The following DEF8 variants were observed in gnomAD, a reference collection of about 807,000 sequenced individuals.
DEF8 encodes DEF-8.
Under a neutral mutation model 59.1 loss-of-function variants are expected in DEF8, and 38 were observed. The ratio of observed to expected loss-of-function variants is 0.64; its 90% CI spans 0.50 to 0.84. The LOEUF (loss-of-function observed/expected upper bound fraction) is 0.84, where lower values mean the gene tolerates loss of function less well. DEF8 is among the 40% of genes least tolerant of loss of function. The pLI is 0.00. For synonymous variants in DEF8, 265 were observed against 250.1 expected, an observed-to-expected ratio of 1.06 and a Z score of -0.56; for missense variants, 557 against 615.2, an observed-to-expected ratio of 0.91 and a Z score of 1.00.
At chr16:89,951,914 GTT>G (rs2032187928) in intron 2 of DEF8, among the ~76,000 whole-genome samples, 1 of 148,396 alleles carries the variant, frequency 6.7e-6, no homozygotes, top group South Asian at 2.1e-4. Context: ...GTCTCGCTCT[GTT>G]GCCCAGGCTG....
At chr16:89,950,410 A>G (rs2031800062) in intron 2 of DEF8, 4 of 849,138 alleles carry the variant, frequency 4.7e-6, no homozygotes, top group East Asian at 2.5e-4. Context: ...TTTTTTTGAG[A>G]TGGAGTTTTG....
At position 89,954,324 on chromosome 16, in the gene DEF8, G is replaced by A. The variant is rs1282592280; in HGVS notation, c.72G>A (p.Pro24=). The stretch of plus-strand genomic sequence containing the variant: ...ACCCCTTCAACAAGCAGTCTGGGCC[G>A]AGACAGCATGAGCAGGGCCCTGGGG... ...HLNPFNKQSG[P]RQHEQGPGEE... is the part of the protein sequence containing the mutation. The change falls in exon 3 of 13, where the codon CCG becomes CCA. Residue 24 remains proline, a synonymous_variant. Coordinates refer to ENST00000563594, the MANE Select transcript of DEF8 (RefSeq NM_001242818.2). This position sits in a 1 kb window ranked among gnomAD's most constrained non-coding sequence, Gnocchi z 4.3. 8.7e-6 allele frequency: 14 copies of A among 1,613,832 alleles called. No homozygotes were observed. The highest frequency in any genetic ancestry group is 6.6e-5 in the South Asian group (6 of 91,066).
chr16:89,963,739 T>C, intron 10 of DEF8: 1 of 515,048 alleles, frequency 1.9e-6, no homozygotes, highest in Non-Finnish European at 3.5e-6. Context: ...TCTAATTATG[T>C]GCTCAACAGA....
intron 12 of DEF8, 107 bp downstream of exon 12, chr16:89,964,682 T>TC (rs35689120): frequency 1.3e-6 from 1 of 783,476 alleles, no homozygotes; most frequent in Non-Finnish European, 2.1e-6. Flanking sequence ...CTGGCACTGC[T>TC]CCCCCGAGAA....
chr16:89,949,367 C>A, intron 1 of DEF8, 50 bp from the exon 2 acceptor site: 1 of 1,433,122 alleles, frequency 7.0e-7, no homozygotes, highest in Non-Finnish European at 9.4e-7. Context: ...CGAGCTCCCG[C>A]GGGTGTGGTG....
intron 9 of DEF8, among the ~76,000 whole-genome samples, chr16:89,963,030 G>A (rs1597523716): frequency 6.6e-6 from 1 of 152,396 alleles, no homozygotes; most frequent in South Asian, 2.1e-4. Flanking sequence ...GTGGCAGCAC[G>A]TTGAGTTGCC....
chr16:89,964,525 GTTCGACA>G lies in DEF8; in HGVS notation c.1204_1210del (p.Phe402AlafsTer33). 1 of 1,596,256 alleles carries G rather than the reference GTTCGACA, an allele frequency of 6.3e-7. No homozygotes were observed. The highest frequency in any genetic ancestry group is 8.5e-7 in the Non-Finnish European group (1 of 1,172,102). ...GCAGAGAGGGCGACGTGCTGTTCCCGTTCGACAGCCACACGTCTGTGTGCGCCGACTG... is the reference window on the plus strand; with the variant it reads ...GCAGAGAGGGCGACGTGCTGTTCCCGGCCACACGTCTGTGTGCGCCGACTG... On this transcript the variant is annotated frameshift_variant, in exon 12 of 13. Coordinates refer to ENST00000563594, the MANE Select transcript of DEF8 (RefSeq NM_001242818.2). LOFTEE classifies it high-confidence loss of function.
At chr16:89,953,523 G>T (rs987654040) in intron 2 of DEF8, among the ~76,000 whole-genome samples, 2 of 152,214 alleles carry the variant, frequency 1.3e-5, no homozygotes, top group Non-Finnish European at 2.9e-5. Flanking sequence ...GCACAGAGCC[G>T]TGGGCCTGGT....
rs1269259540 is a variant in DEF8, at chr16:89,949,524, A to G, written c.-11+11A>G. 6.2e-7 allele frequency: 1 copy of G among 1,613,130 alleles called. No homozygotes were observed. Among genetic ancestry groups the G allele is most frequent in the African/African-American group, 1.3e-5 (1 of 74,872 alleles). The stretch of plus-strand genomic sequence containing the variant: ...TGGCAGGCGATGCAGGTATGGGCAG[A>G]CAGGACGCTGTTGACTCCGCACACC... On this transcript the variant is annotated intron_variant, in intron 2 of 12. Coordinates refer to ENST00000563594, the MANE Select transcript of DEF8 (RefSeq NM_001242818.2).
chr16:89,963,739 T>A lies in DEF8; in HGVS notation c.1002+296T>A, dbSNP rs2034326337. 3.5e-5 allele frequency: 18 copies of A among 514,930 alleles called. No homozygotes were observed. In the South Asian group the frequency reaches 3.8e-4, roughly 11 times the overall value. 31.9% of individuals were successfully genotyped at this position (514,930 alleles called of 1,614,324 possible). A position where few individuals can be genotyped will look rare whatever the true frequency, so the allele number is the denominator to read the frequency against. ...AGTTTTCAAGGTTCATCTAATTATG[T>A]GCTCAACAGATACAGATGTTCTAGA... is the stretch of plus-strand genomic sequence containing the variant. On this transcript the variant is annotated intron_variant, in intron 10 of 12. Coordinates refer to ENST00000563594, the MANE Select transcript of DEF8 (RefSeq NM_001242818.2).
intron 1 of DEF8, 26 bp downstream of exon 1, chr16:89,948,840 CGGGGCCGGCGG>C (rs2031180405): frequency 9.7e-6 from 8 of 827,034 alleles, no homozygotes; most frequent in Middle Eastern, 5.9e-4. Flanking sequence ...CCGGCGGGGT[CGGGGCCGGCGG>C]GGACGGGGCC....
chr16:89,957,257 G>C (rs2033357788), intron 4 of DEF8: 1 of 359,648 alleles, frequency 2.8e-6, no homozygotes, highest in East Asian at 4.4e-5. Flanking sequence ...CTTTTGAAAA[G>C]CAACTTTCAA....
At position 89,965,980 on chromosome 16, in the gene DEF8, T is replaced by C. The variant is rs1597543376; in HGVS notation, c.*17T>C. 6.3e-6 allele frequency: 10 copies of C among 1,594,618 alleles called. No homozygotes were observed. The highest frequency in any genetic ancestry group is 8.6e-6 in the Non-Finnish European group (10 of 1,166,298). Reference sequence around the variant, plus strand: ...GAGGCCTAGCGCCGAGGAACAGTGCTGGGCACCCCGCCTGGCCCGCCAGGA... The same window carrying C: ...GAGGCCTAGCGCCGAGGAACAGTGCCGGGCACCCCGCCTGGCCCGCCAGGA... On this transcript the variant is annotated 3_prime_UTR_variant, in exon 13 of 13. Coordinates refer to ENST00000563594, the MANE Select transcript of DEF8 (RefSeq NM_001242818.2).
Position 89,963,521 on chromosome 16 carries a change from C to T in DEF8, c.1002+78C>T, listed in dbSNP as rs560851417. Reference sequence around the variant, plus strand: ...AGGCACCTCAGGCTCAGGTTTTTTCCGGACAGCTTGTGCGTGGAGTGCCTT... The same window carrying T: ...AGGCACCTCAGGCTCAGGTTTTTTCTGGACAGCTTGTGCGTGGAGTGCCTT... On this transcript the variant is annotated intron_variant, in intron 10 of 12. Transcript: ENST00000563594. The T allele has an allele frequency of 2.8e-5, 36 of 1,302,372 alleles. No homozygotes were observed. The East Asian group carries it at 5.2e-4, about 19-fold the overall frequency. 80.7% of individuals were successfully genotyped at this position (1,302,372 alleles called of 1,614,324 possible). A position where few individuals can be genotyped will look rare whatever the true frequency, so the allele number is the denominator to read the frequency against.
rs1316923981 is a variant in DEF8 at position 89,967,370 on chromosome 16, C to T, written c.*1407C>T. 9 of 398,518 alleles carry T rather than the reference C, an allele frequency of 2.3e-5. No individual in the cohort carries two copies. Among genetic ancestry groups the T allele is most frequent in the Non-Finnish European group, 3.5e-5 (8 of 226,082 alleles). 24.7% of individuals were successfully genotyped at this position (398,518 alleles called of 1,614,324 possible). On this transcript the variant is annotated 3_prime_UTR_variant, in exon 13 of 13. Coordinates refer to ENST00000563594, the MANE Select transcript of DEF8 (RefSeq NM_001242818.2). ...TGGCTCATTCCAGGAGTGGGAGAGA[C>T]GGCAGGGTCTCCTCTTTGTCCTCCG...
In DEF8 at chr16:89,954,036, G is replaced by C. The variant is rs2032676355; in HGVS notation, c.-10-207G>C. ...TGTCACCGTGAGCTCTTTCCAAGGGGACGCCACCAGTGGGGGCCTGGGCAG... is the reference window on the plus strand; with the variant it reads ...TGTCACCGTGAGCTCTTTCCAAGGGCACGCCACCAGTGGGGGCCTGGGCAG... On this transcript the variant is annotated intron_variant, in intron 2 of 12. Transcript: ENST00000563594. The surrounding 1 kb of genome is among the most constrained non-coding windows in gnomAD (Gnocchi z 4.3). The C allele has an allele frequency of 1.7e-6, 1 of 581,680 alleles. No homozygotes were observed. Among genetic ancestry groups the C allele is most frequent in the East Asian group, 3.0e-5 (1 of 33,528 alleles). The allele number at this position is 581,680 out of a possible 1,614,324, so 36.0% of individuals were successfully genotyped here. A position where few individuals can be genotyped will look rare whatever the true frequency, so the allele number is the denominator to read the frequency against.
chr16:89,963,264 A>G, intron 9 of DEF8, 99 bp from the exon 10 acceptor site: 1 of 981,154 alleles, frequency 1.0e-6, no homozygotes, highest in Non-Finnish European at 1.5e-6. Flanking sequence ...TGGGGAACCA[A>G]CCCCTCCTGG....
chr16:89,964,015 TTCCTGGGGCTCCTGGATTCTAC>T lies in DEF8; in HGVS notation c.1003-145_1003-124del, dbSNP rs1366057476. On this transcript the variant is annotated intron_variant, in intron 10 of 12. Transcript: ENST00000563594. ...CCCGGGTCCATCTTCCCCTGTCGGC[TTCCTGGGGCTCCTGGATTCTAC>T]TCCTGGGGCCCAGACCCTTGTGTAG... The T allele has an allele frequency of 4.9e-6, 5 of 1,027,358 alleles. No homozygotes were observed. In the African/African-American group the frequency reaches 7.8e-5, roughly 16 times the overall value. 63.6% of individuals were successfully genotyped at this position (1,027,358 alleles called of 1,614,324 possible). A position where few individuals can be genotyped will look rare whatever the true frequency, so the allele number is the denominator to read the frequency against.
chr16:89,949,597 G>C (rs199544301), intron 2 of DEF8, 84 bp downstream of exon 2: 1 of 1,613,014 alleles, frequency 6.2e-7, no homozygotes, highest in African/African-American at 1.3e-5. Flanking sequence ...TGATGACACC[G>C]CTTCCTGGTG....
Sources: gnomAD v4.1 joint callset for allele counts (sites outside exome capture counted in the v4.1 genomes callset) on GRCh38, gnomAD v4.1.1 for gene constraint, Gnocchi (gnomAD v3.1) non-coding constraint, MANE v1.5 for transcripts, NCBI Gene and HGNC (gene_info 2026-07-23, HGNC 2026-07-21) for gene names.